The following ATXN1 variants were observed in gnomAD, a reference collection of about 807,000 sequenced individuals.
ATXN1 encodes the protein ataxin 1, also known as ataxin-1.
In ATXN1, 8 loss-of-function variants were observed where a neutral mutation model predicts 56.4. The ratio of observed to expected loss-of-function variants is 0.14; its 90% CI spans 0.08 to 0.26. The LOEUF (loss-of-function observed/expected upper bound fraction) is 0.26. Among genes scored for constraint, ATXN1 ranks in the 10% least tolerant of loss-of-function variants. The probability of loss-of-function intolerance (pLI) is 1.00; values close to 1 mark genes in which losing one functional copy is unlikely to be tolerated. For missense variants in ATXN1, 987 were observed against 1,106.5 expected, an observed-to-expected ratio of 0.89 and a Z score of 1.53; for synonymous variants, 514 against 494.6, an observed-to-expected ratio of 1.04 and a Z score of -0.52.
At chr6:16,558,034 T>C (rs1022268716) in intron 4 of ATXN1, among the ~76,000 whole-genome samples, 6 of 151,208 alleles carry the variant, frequency 4.0e-5, no homozygotes, top group Admixed American at 4.0e-4. Flanking sequence ...AATGGGGGAG[T>C]GGGTGCTTAA....
chr6:16,473,770 C>T (rs1233340750), intron 6 of ATXN1, among the ~76,000 whole-genome samples: 7 of 152,178 alleles, frequency 4.6e-5, no homozygotes, highest in African/African-American at 1.7e-4. Context: ...TTCTGCTCTA[C>T]CTTGAAGGGC....
At chr6:16,647,707 A>G (rs755347646) in intron 3 of ATXN1, among the ~76,000 whole-genome samples, 3 of 152,250 alleles carry the variant, frequency 2.0e-5, no homozygotes, top group Non-Finnish European at 4.4e-5. Flanking sequence ...GATAATAAAC[A>G]TTTCACAATA....
At chr6:16,745,980 T>C (rs1320670577) in intron 2 of ATXN1, among the ~76,000 whole-genome samples, 3 of 141,392 alleles carry the variant, frequency 2.1e-5, no homozygotes, top group Non-Finnish European at 4.8e-5. Context: ...GTGTCTGTTT[T>C]TATTAGTTAT....
At chr6:16,730,153 C>G (rs1033232574) in intron 2 of ATXN1, among the ~76,000 whole-genome samples, 14 of 152,114 alleles carry the variant, frequency 9.2e-5, no homozygotes, top group Non-Finnish European at 1.5e-4. Flanking sequence ...CATGGTGGTG[C>G]ACGCCTGTAC....
chr6:16,602,749 C>T (rs769762161), intron 3 of ATXN1, among the ~76,000 whole-genome samples: 2 of 152,114 alleles, frequency 1.3e-5, no homozygotes, highest in East Asian at 3.9e-4. Flanking sequence ...TGAGCCTGGC[C>T]GCAGCCCAAA....
chr6:16,300,630 C>T lies in ATXN1; in HGVS notation c.*5699G>A, dbSNP rs1262069183. 1 of 152,398 alleles carries T rather than the reference C, an allele frequency of 6.6e-6. No individual in the cohort carries two copies. The highest frequency in any genetic ancestry group is 2.4e-5 in the African/African-American group (1 of 41,382). The allele number at this position is 152,398 out of a possible 1,614,324, so 9.4% of individuals were successfully genotyped here. A position where few individuals can be genotyped will look rare whatever the true frequency, so the allele number is the denominator to read the frequency against. ...TTACATTGAAATCATGTTTTTACTC[C>T]CCCCATTTAAATGAGGTGTGGGGGG... is the stretch of plus-strand genomic sequence containing the variant. On this transcript the variant is annotated 3_prime_UTR_variant, in exon 8 of 8. Coordinates refer to ENST00000436367, the MANE Select transcript of ATXN1 (RefSeq NM_001128164.2).
At chr6:16,500,138 T>C (rs1760855300) in intron 5 of ATXN1, among the ~76,000 whole-genome samples, 1 of 152,232 alleles carries the variant, frequency 6.6e-6, no homozygotes, top group Non-Finnish European at 1.5e-5. Context: ...TACATTTACA[T>C]GATTTTAAAA....
rs1336544775 is a variant in ATXN1, at chr6:16,300,848, AAGG to A, written c.*5478_*5480del. The A allele has an allele frequency of 2.0e-5, 3 of 152,642 alleles. No homozygotes were observed. The highest frequency in any genetic ancestry group is 4.4e-5 in the Non-Finnish European group (3 of 68,044). 9.5% of individuals were successfully genotyped at this position (152,642 alleles called of 1,614,324 possible). ...CAATGGCTTAAGAGTTTAGACTAAG[AAGG>A]GAGCTCAGAGAAGTACTTTCAGCAT... On this transcript the variant is annotated 3_prime_UTR_variant, in exon 8 of 8. Transcript: ENST00000436367.
intron 6 of ATXN1, among the ~76,000 whole-genome samples, chr6:16,329,268 C>G (rs1420124040): frequency 1.3e-5 from 2 of 152,080 alleles, no homozygotes; most frequent in African/African-American, 4.8e-5. Context: ...TGAGAAAAAG[C>G]AGGTTAGCAG....
Position 16,486,061 on chromosome 6 carries a change from T to G in ATXN1, c.-250A>C, listed in dbSNP as rs1013393328. 6.6e-6 allele frequency: 1 copy of G among 152,210 alleles called. No homozygotes were observed. The highest frequency in any genetic ancestry group is 6.5e-5 in the Admixed American group (1 of 15,286). The allele number at this position is 152,210 out of a possible 1,614,324, so 9.4% of individuals were successfully genotyped here. On this transcript the variant is annotated 5_prime_UTR_variant, in exon 6 of 8. Coordinates refer to ENST00000436367, the MANE Select transcript of ATXN1 (RefSeq NM_001128164.2). ...GGCTCTGGAGGGCTCCTGAGGGCTC[T>G]TGGGCTCAGGCGTGTTCTTTCTTCC...
chr6:16,411,421 C>A (rs923292114), intron 6 of ATXN1, among the ~76,000 whole-genome samples: 5 of 151,992 alleles, frequency 3.3e-5, no homozygotes, highest in African/African-American at 7.3e-5. Flanking sequence ...GAAATTGAAG[C>A]CCTGTTTATA....
At chr6:16,397,664 G>A (rs1338716413) in intron 6 of ATXN1, among the ~76,000 whole-genome samples, 1 of 152,174 alleles carries the variant, frequency 6.6e-6, no homozygotes, top group Non-Finnish European at 1.5e-5. Flanking sequence ...TACATGTGCA[G>A]GTACATACCA....
chr6:16,435,461 G>A (rs1328216968), intron 6 of ATXN1, among the ~76,000 whole-genome samples: 1 of 152,090 alleles, frequency 6.6e-6, no homozygotes, highest in Non-Finnish European at 1.5e-5. Flanking sequence ...GACTTAGGAA[G>A]GAGGGGCCAG....
intron 6 of ATXN1, among the ~76,000 whole-genome samples, chr6:16,439,364 G>GGGAAA (rs1759461507): frequency 7.5e-5 from 1 of 13,256 alleles, no homozygotes; most frequent in Non-Finnish European, 1.7e-4. Context: ...GGGGGGGCGG[G>GGGAAA]GCCGGGGGCG....
At chr6:16,581,102 T>C (rs1762518577) in intron 4 of ATXN1, among the ~76,000 whole-genome samples, 1 of 151,972 alleles carries the variant, frequency 6.6e-6, no homozygotes. Flanking sequence ...TTTGTGTTTC[T>C]GTAGGATAAA....
At chr6:16,653,741 T>A (rs1481345367) in intron 3 of ATXN1, among the ~76,000 whole-genome samples, 1 of 152,108 alleles carries the variant, frequency 6.6e-6, no homozygotes, top group Non-Finnish European at 1.5e-5. Context: ...TGGAAGAAAG[T>A]GGGTTTCTAA....
intron 6 of ATXN1, among the ~76,000 whole-genome samples, chr6:16,478,791 GCAAC>G (rs1760378524): frequency 6.6e-6 from 1 of 152,136 alleles, no homozygotes. Context: ...GAAATGAAGA[GCAAC>G]CTAATGGAAA....
Position 16,649,838 on chromosome 6 carries a change from A to G in ATXN1, c.-489+7938T>C, listed in dbSNP as rs1020988010. Among the ~76,000 whole-genome samples the G allele has an allele frequency of 1.2e-4, 19 of 152,254 alleles. 1 individual carries two copies. The highest frequency in any genetic ancestry group is 2.8e-4 in the Non-Finnish European group (19 of 68,044). ...GGAATGGGCTTAACACTTGGAATAC[A>G]AGGTTTAAGATAAGTCAATTTCTGT... is the stretch of plus-strand genomic sequence containing the variant. On this transcript the variant is annotated intron_variant, in intron 3 of 7. Coordinates refer to ENST00000436367, the MANE Select transcript of ATXN1 (RefSeq NM_001128164.2).
At chr6:16,394,748 T>C (rs1758418698) in intron 6 of ATXN1, among the ~76,000 whole-genome samples, 1 of 152,316 alleles carries the variant, frequency 6.6e-6, no homozygotes, top group South Asian at 2.1e-4. Context: ...GCCAAAGAGA[T>C]ATGCAGTAGA....
Sources: gnomAD v4.1 joint callset for allele counts (sites outside exome capture counted in the v4.1 genomes callset) on GRCh38, gnomAD v4.1.1 for gene constraint, MANE v1.5 for transcripts, NCBI Gene and HGNC (gene_info 2026-07-23, HGNC 2026-07-21) for gene names.